RAD50: variants seen among roughly 807,000 people sequenced by gnomAD.
The protein encoded by RAD50 is DNA repair protein RAD50.
Under a neutral mutation model 168.8 loss-of-function variants are expected in RAD50, and 132 were observed. The observed-to-expected ratio is 0.78, with a 90% CI of 0.68 to 0.90. The LOEUF (loss-of-function observed/expected upper bound fraction) is 0.90. Ranked by LOEUF, RAD50 falls within the 40% of genes least tolerant of loss-of-function variation. The pLI, the probability that RAD50 is intolerant of heterozygous loss-of-function variation, is 0.00. For synonymous variants in RAD50, 525 were observed against 497.4 expected (o/e 1.06, Z -0.74); for missense variants, 1,347 against 1,534.4 (o/e 0.88, Z 2.04).
Position 132,559,019 on chromosome 5 carries a change from A to G in RAD50, c.130-265A>G, listed in dbSNP as rs115198557. Among the ~76,000 whole-genome samples, 1,340 of 152,314 alleles carry G rather than the reference A, an allele frequency of 8.8e-3. 10 individuals carry two copies. The highest frequency in any genetic ancestry group is 0.013 in the Non-Finnish European group (902 of 68,022). On this transcript the variant is annotated intron_variant, in intron 1 of 24. Coordinates refer to ENST00000378823, the MANE Select transcript of RAD50 (RefSeq NM_005732.4). ...GTTAGCCATTCTTATTATTAACTTA[A>G]ATTAGTTTAAAGGGTTTCAGTTGAA...
At chr5:132,617,947 TTATAA>T in intron 20 of RAD50, 118 bp from the exon 21 acceptor site, 5 of 852,520 alleles carry the variant, frequency 5.9e-6, no homozygotes, top group Middle Eastern at 3.6e-4. Flanking sequence ...AGAGACTCTG[TTATAA>T]TATACTGATT....
In RAD50 at chr5:132,579,482, T is replaced by A. The variant is rs1750466171; in HGVS notation, c.531T>A (p.Asp177Glu). 1 of 1,613,484 alleles carries A rather than the reference T, an allele frequency of 6.2e-7. No homozygotes were observed. The highest frequency in any genetic ancestry group is 8.5e-7 in the Non-Finnish European group (1 of 1,179,670). Residue 177 changes from aspartate to glutamate, a missense_variant, in exon 4 of 25, where the codon GAT (aspartate) becomes GAA (glutamate). Asp to Glu is a conservative substitution (Grantham distance 45, BLOSUM62 2). Transcript: ENST00000378823. ...SEGKALKQKF[D>E]EIFSATRYIK... is the part of the protein sequence containing the mutation. ...GAAAGGCTTTGAAGCAAAAGTTTGA[T>A]GAGATTTTTTCAGCAACAAGGTTTG... is the stretch of plus-strand genomic sequence containing the variant.
chr5:132,590,281 C>T (rs769577293), intron 9 of RAD50, among the ~76,000 whole-genome samples: 3 of 152,162 alleles, frequency 2.0e-5, no homozygotes, highest in Non-Finnish European at 2.9e-5. Flanking sequence ...ACCTGTCCAG[C>T]CAACATGGTG....
chr5:132,607,997 T>G (rs1233494209), intron 16 of RAD50, among the ~76,000 whole-genome samples: 1 of 152,248 alleles, frequency 6.6e-6, no homozygotes, highest in East Asian at 1.9e-4. Flanking sequence ...GGGACTTCTA[T>G]TTAGTAAAAT....
At chr5:132,642,056 G>C in intron 24 of RAD50, 122 bp from the exon 25 acceptor site, 1 of 1,060,350 alleles carries the variant, frequency 9.4e-7, no homozygotes, top group Non-Finnish European at 1.4e-6. Flanking sequence ...CTTCCTGCAG[G>C]GTAGCTGGGG....
At chr5:132,596,790 G>C (rs879823891) in intron 13 of RAD50, among the ~76,000 whole-genome samples, 1 of 152,192 alleles carries the variant, frequency 6.6e-6, no homozygotes, top group Non-Finnish European at 1.5e-5. Context: ...AAACAGATGT[G>C]TTAGGTAAGA....
At chr5:132,611,921 G>C (rs1751095483) in intron 19 of RAD50, among the ~76,000 whole-genome samples, 1 of 152,090 alleles carries the variant, frequency 6.6e-6, no homozygotes, top group Non-Finnish European at 1.5e-5. Context: ...GTAGAGGGTG[G>C]TATGATTGAA....
chr5:132,618,751 AAC>A (rs1302486508), intron 21 of RAD50, among the ~76,000 whole-genome samples: 3 of 152,156 alleles, frequency 2.0e-5, no homozygotes, highest in African/African-American at 7.2e-5. Context: ...TATGTATGTA[AAC>A]ACACACTAGC....
chr5:132,587,786 C>A (rs1269867246), intron 6 of RAD50, 96 bp downstream of exon 6: 6 of 1,569,512 alleles, frequency 3.8e-6, no homozygotes, highest in Non-Finnish European at 1.7e-6. Context: ...TGGAAAAAAA[C>A]AAATACAGAT....
chr5:132,642,214 G>C lies in RAD50; in HGVS notation c.3789G>C (p.Gln1263His), dbSNP rs115706334. 107 of 1,614,198 alleles carry C rather than the reference G, an allele frequency of 6.6e-5. No homozygotes were observed. The highest frequency in any genetic ancestry group is 8.7e-5 in the Non-Finnish European group (103 of 1,180,028). ...GTCGCTCACAGCAGCGTAACTTCCAGCTTCTGGTAATCACTCATGATGAAG... is the reference window on the plus strand; with the variant it reads ...GTCGCTCACAGCAGCGTAACTTCCACCTTCTGGTAATCACTCATGATGAAG... The part of the protein sequence containing the change: ...IKSRSQQRNF[Q>H]LLVITHDEDF... The change falls in exon 25 of 25, where the codon CAG (glutamine) becomes CAC (histidine). Residue 1263 changes from glutamine (Q) to histidine (H), a missense_variant. Transcript: ENST00000378823.
intron 2 of RAD50, among the ~76,000 whole-genome samples, chr5:132,570,504 G>A (rs1255648559): frequency 6.6e-6 from 1 of 152,246 alleles, no homozygotes; most frequent in Non-Finnish European, 1.5e-5. Flanking sequence ...AGCACTTGCT[G>A]CTTCACCTCG....
In RAD50 at chr5:132,616,243, A is replaced by G. The variant is rs1751173296; in HGVS notation, c.3164+113A>G. ...TAGCCTCAGCCTGGTATCCTTTGAG[A>G]GTTACTAGAAGGTGAACAGTGTTTT... On this transcript the variant is annotated intron_variant, in intron 20 of 24. Transcript: ENST00000378823. The G allele has an allele frequency of 2.9e-6, 3 of 1,022,916 alleles. No homozygotes were observed. The South Asian group carries it at 4.2e-5, about 14-fold the overall frequency. The allele number at this position is 1,022,916 out of a possible 1,614,324, so 63.4% of individuals were successfully genotyped here. A position where few individuals can be genotyped will look rare whatever the true frequency, so the allele number is the denominator to read the frequency against.
intron 21 of RAD50, among the ~76,000 whole-genome samples, chr5:132,629,328 G>A (rs1421678150): frequency 2.6e-5 from 4 of 152,164 alleles, no homozygotes; most frequent in Non-Finnish European, 4.4e-5. Flanking sequence ...TCCATAGTCT[G>A]TTTTTGACCT....
Position 132,591,375 on chromosome 5 carries a change from G to A in RAD50, c.1604G>A (p.Arg535His), listed in dbSNP as rs200548021. Residue 535 changes from arginine to histidine, a missense_variant, in exon 10 of 25, where the codon CGT (arginine) becomes CAT (histidine). Arg to His is a conservative substitution (Grantham distance 29). Around this residue, in one of 3 missense-constraint regions of RAD50, gnomAD observed 703 missense variants for 767.7 expected, o/e 0.92. Coordinates refer to ENST00000378823, the MANE Select transcript of RAD50 (RefSeq NM_005732.4). ...MEQLNHHTTTRTQMEMLTKDK... is the reference protein window; with the variant it reads ...MEQLNHHTTTHTQMEMLTKDK... ...CAGTTAAACCATCATACAACAACACGTACCCAAATGGAGATGCTGACCAAA... is the reference window on the plus strand; with the variant it reads ...CAGTTAAACCATCATACAACAACACATACCCAAATGGAGATGCTGACCAAA... The A allele has an allele frequency of 5.0e-6, 8 of 1,613,740 alleles. No individual in the cohort carries two copies. The highest frequency in any genetic ancestry group is 2.5e-6 in the Non-Finnish European group (3 of 1,179,848).
Position 132,587,553 on chromosome 5 carries a change from T to C in RAD50, c.757-9T>C, listed in dbSNP as rs1304181116. The stretch of plus-strand genomic sequence containing the variant: ...GAGTTTTATTTATGTAATGTTTCTT[T>C]ATTTTCAGAATCGTCTAAAAGAAAT... On this transcript the variant is annotated splice_polypyrimidine_tract_variant and intron_variant, in intron 5 of 24. Transcript: ENST00000378823. The C allele has an allele frequency of 1.9e-6, 3 of 1,612,258 alleles. No individual in the cohort carries two copies. The Admixed American group carries it at 5.0e-5, about 27-fold the overall frequency.
chr5:132,635,047 TG>T (rs1374723884), intron 21 of RAD50, among the ~76,000 whole-genome samples: 3 of 152,198 alleles, frequency 2.0e-5, no homozygotes, highest in African/African-American at 7.2e-5. Flanking sequence ...AGGTGTGTCT[TG>T]AAGATTTGAT....
At chr5:132,595,073 TAC>T (rs1239535209) in intron 12 of RAD50, 29 bp downstream of exon 12, 1 of 1,580,194 alleles carries the variant, frequency 6.3e-7, no homozygotes, top group East Asian at 2.2e-5. Flanking sequence ...ATTATCAGGA[TAC>T]TTTGACACCT....
rs1554098164 is a variant in RAD50 at position 132,587,615 on chromosome 5, T to C, written c.810T>C (p.Asn270=). 1.2e-6 allele frequency: 2 copies of C among 1,613,632 alleles called. No individual in the cohort carries two copies. Among genetic ancestry groups the C allele is most frequent in the Non-Finnish European group, 1.7e-6 (2 of 1,179,810 alleles). The change falls in exon 6 of 25, where the codon AAT becomes AAC. Residue 270 remains asparagine (N), a synonymous_variant. Transcript: ENST00000378823. The part of the protein sequence containing the change: ...HNLSKIMKLD[N]EIKALDSRKK... ...TCTCTAAAATAATGAAACTTGACAA[T>C]GAAATTAAAGCCTTGGATAGCCGAA...
rs786201724 is a variant in RAD50, at chr5:132,580,050, A to G, written c.740A>G (p.Glu247Gly). 3 of 1,610,604 alleles carry G rather than the reference A, an allele frequency of 1.9e-6. No homozygotes were observed. The highest frequency in any genetic ancestry group is 2.5e-6 in the Non-Finnish European group (3 of 1,176,888). The change falls in exon 5 of 25, where the codon GAA becomes GGA. Residue 247 changes from glutamate (E) to glycine (G), a missense_variant. By Grantham distance (98) the Glu-to-Gly change is moderately conservative. Coordinates refer to ENST00000378823, the MANE Select transcript of RAD50 (RefSeq NM_005732.4). ...GAAATTGTCAAATCCTATGAGAATG[A>G]ACTTGATCCATTGAAGGTAACTTGA... Reference protein sequence around the residue: ...SKEIVKSYENELDPLKNRLKE... With the variant: ...SKEIVKSYENGLDPLKNRLKE...
Sources: gnomAD v4.1 joint callset for allele counts (sites outside exome capture counted in the v4.1 genomes callset) on GRCh38, gnomAD v4.1.1 for gene constraint, gnomAD v4.1.1 regional missense constraint, MANE v1.5 for transcripts, NCBI Gene and HGNC (gene_info 2026-07-23, HGNC 2026-07-21) for gene names.